Variants in VCL observed in about 807,000 individuals in gnomAD.
VCL encodes vinculin, also known as epididymis luminal protein 114.
VCL carries 47 observed loss-of-function variants against 125.7 expected under a neutral mutation model. The observed-to-expected ratio is 0.37, with a 90% CI of 0.30 to 0.48. The LOEUF (loss-of-function observed/expected upper bound fraction) is 0.48. VCL is among the 20% of genes least tolerant of loss of function. The probability of loss-of-function intolerance (pLI) is 0.99; values close to 1 mark genes in which losing one functional copy is unlikely to be tolerated. For missense variants in VCL, 1,069 were observed against 1,455.5 expected (o/e 0.73, Z 4.32); for synonymous variants, 458 against 514.6 (o/e 0.89, Z 1.49).
At chr10:74,101,616 C>CTA (rs1840059634) in intron 14 of VCL, among the ~76,000 whole-genome samples, 1 of 128,154 alleles carries the variant, frequency 7.8e-6, no homozygotes, top group African/African-American at 3.2e-5. Flanking sequence ...ACTGCAGTGG[C>CTA]GCAATCTCGG....
chr10:74,049,470 T>C (rs997462538), intron 2 of VCL, among the ~76,000 whole-genome samples: 1 of 152,116 alleles, frequency 6.6e-6, no homozygotes, highest in Admixed American at 6.6e-5. Context: ...GACTTTATGA[T>C]AGGAATTCAG....
rs993861014 is a variant in VCL at position 74,078,092 on chromosome 10, G to A, written c.783+3189G>A. ...AATTTTTTTGGTATTTATATTACTT[G>A]TATCTTGATGCATGCTGAGAATTAA... On this transcript the variant is annotated intron_variant, in intron 6 of 21. Coordinates refer to ENST00000211998, the MANE Select transcript of VCL (RefSeq NM_014000.3). Among the ~76,000 whole-genome samples the A allele has an allele frequency of 4.0e-5, 6 of 151,834 alleles. No individual in the cohort carries two copies. In the East Asian group the frequency reaches 9.7e-4, roughly 24 times the overall value.
At chr10:74,060,612 C>T (rs1362424554) in intron 2 of VCL, among the ~76,000 whole-genome samples, 2 of 142,250 alleles carry the variant, frequency 1.4e-5, no homozygotes, top group African/African-American at 2.6e-5. Context: ...GCTGAGATCG[C>T]GCCACTGCAC....
At chr10:74,116,682 G>A (rs1840314549) in intron 21 of VCL, among the ~76,000 whole-genome samples, 2 of 103,950 alleles carry the variant, frequency 1.9e-5, no homozygotes, top group African/African-American at 3.2e-5. Context: ...GTGAAACTCC[G>A]TCTCAAAAAA....
At chr10:74,041,193 A>C (rs998576076) in intron 1 of VCL, among the ~76,000 whole-genome samples, 33 of 152,042 alleles carry the variant, frequency 2.2e-4, no homozygotes, top group African/African-American at 7.7e-4. Flanking sequence ...ACTCAATCAA[A>C]AGTTAAATGG....
chr10:74,087,995 C>T (rs772572077), intron 8 of VCL, among the ~76,000 whole-genome samples: 3 of 151,762 alleles, frequency 2.0e-5, no homozygotes, highest in African/African-American at 4.8e-5. Context: ...AGTGAGACTC[C>T]GTCTCAAAAA....
At chr10:74,086,241 T>C (rs1232299192) in intron 8 of VCL, among the ~76,000 whole-genome samples, 1 of 152,210 alleles carries the variant, frequency 6.6e-6, no homozygotes, top group Non-Finnish European at 1.5e-5. Context: ...GATGAAAACA[T>C]TCATCCTTAC....
chr10:74,105,684 G>A (rs542051500), intron 16 of VCL, among the ~76,000 whole-genome samples: 4 of 152,208 alleles, frequency 2.6e-5, no homozygotes, highest in African/African-American at 9.6e-5. Flanking sequence ...AGCCTCCCGA[G>A]TAGCTGGGAT....
Position 74,107,436 on chromosome 10 carries a change from C to T in VCL, c.2559+82C>T, listed in dbSNP as rs1314826579. 6 of 1,606,804 alleles carry T rather than the reference C, an allele frequency of 3.7e-6. No individual in the cohort carries two copies. The South Asian group carries it at 5.5e-5, about 15-fold the overall frequency. On this transcript the variant is annotated intron_variant, in intron 17 of 21. Coordinates refer to ENST00000211998, the MANE Select transcript of VCL (RefSeq NM_014000.3). ...GAGAGAGGTAGATTGTGTTTTAGAG[C>T]CTCCATCACTAGGTGGCTTCGTTTA... is the stretch of plus-strand genomic sequence containing the variant.
intron 1 of VCL, among the ~76,000 whole-genome samples, chr10:74,014,144 A>G (rs570253075): frequency 1.3e-5 from 2 of 152,332 alleles, no homozygotes; most frequent in East Asian, 3.9e-4. Flanking sequence ...AAGTATATAT[A>G]TATTTTCCAA....
intron 6 of VCL, chr10:74,075,468 C>T (rs1195706624): frequency 6.5e-6 from 1 of 154,820 alleles, no homozygotes; most frequent in Non-Finnish European, 1.4e-5. Context: ...TCTGGAATCT[C>T]TTTTAGGACC....
chr10:74,117,270 A>G (rs1840325151), intron 21 of VCL, among the ~76,000 whole-genome samples: 2 of 152,230 alleles, frequency 1.3e-5, no homozygotes, highest in Admixed American at 1.3e-4. Flanking sequence ...CTTAAATGTT[A>G]GTATGAAGAC....
At chr10:74,102,424 G>A (rs138624094) in intron 14 of VCL, among the ~76,000 whole-genome samples, 1 of 152,200 alleles carries the variant, frequency 6.6e-6, no homozygotes, top group East Asian at 1.9e-4. Flanking sequence ...TTAGTGTGAT[G>A]TTTGTGCAAT....
intron 1 of VCL, among the ~76,000 whole-genome samples, chr10:74,025,707 G>GAA: frequency 6.9e-6 from 1 of 145,142 alleles, no homozygotes; most frequent in Non-Finnish European, 1.5e-5. Context: ...AGGAAGGAAG[G>GAA]GAGGGAGGGA....
Position 74,007,953 on chromosome 10 carries a change from C to A in VCL, c.168+9578C>A, listed in dbSNP as rs1055799566. Among the ~76,000 whole-genome samples, 4 of 152,164 alleles carry A rather than the reference C, an allele frequency of 2.6e-5. No homozygotes were observed. The South Asian group carries it at 6.2e-4, about 24-fold the overall frequency. ...AAGTAGCTGGAATTACAGGCACCCACCACCATGGACGGCTAATTTTTGGTA... is the reference window on the plus strand; with the variant it reads ...AAGTAGCTGGAATTACAGGCACCCAACACCATGGACGGCTAATTTTTGGTA... On this transcript the variant is annotated intron_variant, in intron 1 of 21. Transcript: ENST00000211998.
At chr10:74,096,154 T>TTA (rs1415694957) in intron 12 of VCL, among the ~76,000 whole-genome samples, 265 of 152,094 alleles carry the variant, frequency 1.7e-3, no homozygotes, top group Non-Finnish European at 2.9e-3. Flanking sequence ...AATGGACTTT[T>TTA]TTTTTTTTTT....
chr10:74,059,696 C>T (rs1302215885), intron 2 of VCL, among the ~76,000 whole-genome samples: 7 of 152,144 alleles, frequency 4.6e-5, no homozygotes, highest in Non-Finnish European at 8.8e-5. Flanking sequence ...TGAGCCACCG[C>T]GTCCAGCCTG....
At chr10:74,073,282 C>T (rs538014126) in intron 5 of VCL, among the ~76,000 whole-genome samples, 2 of 152,250 alleles carry the variant, frequency 1.3e-5, no homozygotes, top group Admixed American at 6.5e-5. Context: ...GTCCTTCAGC[C>T]TAGGTAAAAA....
chr10:74,036,608 C>T (rs956043357), intron 1 of VCL, among the ~76,000 whole-genome samples: 11 of 151,906 alleles, frequency 7.2e-5, no homozygotes, highest in Non-Finnish European at 1.5e-4. Context: ...TGGTGGCATG[C>T]ACCCGTATTC....
Sources: gnomAD v4.1 joint callset for allele counts (sites outside exome capture counted in the v4.1 genomes callset) on GRCh38, gnomAD v4.1.1 for gene constraint, MANE v1.5 for transcripts, NCBI Gene and HGNC (gene_info 2026-07-23, HGNC 2026-07-21) for gene names.